BCL2: variants seen among roughly 807,000 people sequenced by gnomAD.
BCL2 encodes apoptosis regulator Bcl-2.
BCL2 carries 1 observed loss-of-function variant against 14.2 expected under a neutral mutation model. That is an observed-to-expected ratio of 0.07 (90% CI 0.02 to 0.33). The LOEUF (loss-of-function observed/expected upper bound fraction) is 0.33, where lower values mean the gene tolerates loss of function less well. Ranked by LOEUF, BCL2 falls within the 10% of genes least tolerant of loss-of-function variation. The probability of loss-of-function intolerance (pLI) is 0.99; values close to 1 mark genes in which losing one functional copy is unlikely to be tolerated. For synonymous variants in BCL2, 151 were observed against 137.2 expected (o/e 1.10, Z -0.70); for missense variants, 247 against 305.9 (o/e 0.81, Z 1.44).
At chr18:63,156,420 T>C (rs977187766) in intron 2 of BCL2, among the ~76,000 whole-genome samples, 13 of 152,178 alleles carry the variant, frequency 8.5e-5, no homozygotes, top group Non-Finnish European at 1.2e-4. Context: ...GCCCACGACA[T>C]GCCAGCGGAA....
chr18:63,239,069 A>G (rs78237788), intron 2 of BCL2, among the ~76,000 whole-genome samples: 1 of 152,158 alleles, frequency 6.6e-6, no homozygotes, highest in Non-Finnish European at 1.5e-5. Flanking sequence ...AAATTACCTG[A>G]TTGGGGGTCC....
chr18:63,181,456 C>T (rs557574943), intron 2 of BCL2, among the ~76,000 whole-genome samples: 208 of 152,268 alleles, frequency 1.4e-3, no homozygotes, highest in African/African-American at 4.7e-3. Flanking sequence ...AAGCACTGGC[C>T]GTCAGAATCA....
chr18:63,129,648 G>A (rs1027567180), intron 2 of BCL2, among the ~76,000 whole-genome samples: 11 of 152,284 alleles, frequency 7.2e-5, no homozygotes, highest in East Asian at 5.8e-4. Flanking sequence ...GCTGAGAATC[G>A]CAGGGAATAA....
intron 2 of BCL2, among the ~76,000 whole-genome samples, chr18:63,179,018 T>A (rs144101803): frequency 1.6e-4 from 25 of 151,694 alleles, no homozygotes; most frequent in Non-Finnish European, 3.2e-4. Context: ...ATTTAAAAAA[T>A]AATAATAAAA....
intron 2 of BCL2, among the ~76,000 whole-genome samples, chr18:63,216,362 G>T (rs368998722): frequency 7.0e-6 from 1 of 142,830 alleles, no homozygotes; most frequent in Non-Finnish European, 1.5e-5. Flanking sequence ...AAGAAACAGC[G>T]AACACTGAAA....
chr18:63,306,225 T>G (rs1466097036), intron 2 of BCL2, among the ~76,000 whole-genome samples: 2 of 152,318 alleles, frequency 1.3e-5, no homozygotes, highest in African/African-American at 4.8e-5. Context: ...AGTCAATCAT[T>G]ACCTCTTCCA....
intron 2 of BCL2, among the ~76,000 whole-genome samples, chr18:63,154,714 C>G (rs1270887462): frequency 6.6e-6 from 1 of 152,168 alleles, no homozygotes; most frequent in Non-Finnish European, 1.5e-5. Flanking sequence ...TCTTATTCTG[C>G]CCCCTCAAGG....
chr18:63,199,901 C>A (rs935583733), intron 2 of BCL2, among the ~76,000 whole-genome samples: 7 of 151,866 alleles, frequency 4.6e-5, no homozygotes, highest in Admixed American at 2.6e-4. Context: ...GTAGCACGGA[C>A]CAAAACCGTA....
intron 2 of BCL2, among the ~76,000 whole-genome samples, chr18:63,199,639 A>T (rs1568231929): frequency 1.3e-5 from 2 of 152,186 alleles, no homozygotes; most frequent in East Asian, 3.9e-4. Flanking sequence ...ACAGAGACAC[A>T]CACATACACG....
intron 2 of BCL2, among the ~76,000 whole-genome samples, chr18:63,162,363 C>T (rs751240133): frequency 6.6e-6 from 1 of 152,176 alleles, no homozygotes; most frequent in Admixed American, 6.5e-5. Context: ...ACCCCACCAA[C>T]ACGTCTTCAT....
At chr18:63,257,902 G>A (rs1367929688) in intron 2 of BCL2, among the ~76,000 whole-genome samples, 1 of 25,338 alleles carries the variant, frequency 3.9e-5, no homozygotes, top group Non-Finnish European at 1.3e-4. Context: ...TAAAAGGAAG[G>A]CAATAAACTG....
At chr18:63,241,856 C>A (rs1028847626) in intron 2 of BCL2, among the ~76,000 whole-genome samples, 1 of 152,136 alleles carries the variant, frequency 6.6e-6, no homozygotes, top group African/African-American at 2.4e-5. Flanking sequence ...GGTCACCTTT[C>A]GTAAAAAATA....
chr18:63,226,591 A>G (rs1329475775), intron 2 of BCL2, among the ~76,000 whole-genome samples: 8 of 152,356 alleles, frequency 5.3e-5, no homozygotes, highest in African/African-American at 1.9e-4. Flanking sequence ...TTCATGTACT[A>G]TCAAGAGAGA....
chr18:63,206,870 G>A (rs1909851890), intron 2 of BCL2, among the ~76,000 whole-genome samples: 1 of 151,884 alleles, frequency 6.6e-6, no homozygotes, highest in African/African-American at 2.4e-5. Context: ...GGAAGGAAGA[G>A]GCCGGTCAGA....
At chr18:63,252,812 C>T (rs984250445) in intron 2 of BCL2, among the ~76,000 whole-genome samples, 4 of 152,146 alleles carry the variant, frequency 2.6e-5, no homozygotes, top group South Asian at 2.1e-4. Context: ...GACTAATACA[C>T]TTTGTAAATT....
rs1268400633 is a variant in BCL2 at position 63,128,380 on chromosome 18, T to G, written c.*245A>C. On this transcript the variant is annotated 3_prime_UTR_variant, in exon 3 of 3. Coordinates refer to ENST00000333681, the MANE Select transcript of BCL2 (RefSeq NM_000633.3). ...CTGTCTTAAATAAATAAATCTTTTT[T>G]TCTTAATAATGTAAAAAATAAATGA... 2.6e-6 allele frequency: 1 copy of G among 377,624 alleles called. No individual in the cohort carries two copies. The highest frequency in any genetic ancestry group is 2.0e-5 in the African/African-American group (1 of 48,856). 23.4% of individuals were successfully genotyped at this position (377,624 alleles called of 1,614,324 possible).
At chr18:63,156,010 G>A (rs1914771370) in intron 2 of BCL2, among the ~76,000 whole-genome samples, 1 of 136,860 alleles carries the variant, frequency 7.3e-6, no homozygotes, top group Non-Finnish European at 1.5e-5. Context: ...CTTGCTTGAG[G>A]GCATTTCTCA....
intron 2 of BCL2, among the ~76,000 whole-genome samples, chr18:63,258,752 C>G (rs547696616): frequency 2.0e-5 from 3 of 152,166 alleles, no homozygotes; most frequent in Non-Finnish European, 2.9e-5. Context: ...TGTCTTGGCA[C>G]GTTTTGTTCA....
At chr18:63,154,516 G>C (rs1489895822) in intron 2 of BCL2, among the ~76,000 whole-genome samples, 4 of 152,136 alleles carry the variant, frequency 2.6e-5, no homozygotes. Context: ...CCCACTGCTT[G>C]CCTTGAACTC....
Sources: allele counts gnomAD v4.1 joint callset (sites outside exome capture counted in the v4.1 genomes callset), GRCh38; gene constraint gnomAD v4.1.1; transcripts MANE v1.5; gene names NCBI Gene and HGNC (gene_info 2026-07-23, HGNC 2026-07-21).